TENM3: variants seen among roughly 807,000 people sequenced by gnomAD.
TENM3 encodes the protein teneurin-3.
A neutral mutation model predicts 255.1 loss-of-function variants in TENM3; 63 were observed. That is an observed-to-expected ratio of 0.25 (90% CI 0.20 to 0.30). TENM3 has a LOEUF of 0.30. Ranked by LOEUF, TENM3 falls within the 10% of genes least tolerant of loss-of-function variation. The pLI is 1.00. For synonymous variants in TENM3, 1,306 were observed against 1,322.3 expected, an observed-to-expected ratio of 0.99 and a Z score of 0.27; for missense variants, 2,929 against 3,461.1, an observed-to-expected ratio of 0.85 and a Z score of 3.86.
chr4:182,755,354 A>G (rs996810048), intron 22 of TENM3, 95 bp downstream of exon 22: 1 of 1,222,844 alleles, frequency 8.2e-7, no homozygotes, highest in African/African-American at 1.5e-5. Flanking sequence ...GGAGGATTCC[A>G]TGTTTTTGAG....
chr4:182,546,312 TA>T (rs1741441879), intron 3 of TENM3, among the ~76,000 whole-genome samples: 1 of 152,198 alleles, frequency 6.6e-6, no homozygotes, highest in Admixed American at 6.5e-5. Context: ...TTTTTCTTTC[TA>T]GAAAAATTGA....
chr4:181,605,452 AAGAGAGAGAGAG>A, the TENM3 span, among the ~76,000 whole-genome samples: 2 of 100,506 alleles, frequency 2.0e-5, no homozygotes, highest in African/African-American at 4.2e-5. Flanking sequence ...AAAAGAAAGA[AAGAGAGAGAGAG>A]AGAGAGAGAG....
intron 3 of TENM3, among the ~76,000 whole-genome samples, chr4:182,498,759 G>T (rs562274564): frequency 6.6e-6 from 1 of 152,254 alleles, no homozygotes; most frequent in Admixed American, 6.5e-5. Flanking sequence ...AGAGGCTGAG[G>T]CAGGAGAGTT....
At chr4:181,936,287 C>T in the TENM3 span, among the ~76,000 whole-genome samples, 2 of 151,984 alleles carry the variant, frequency 1.3e-5, no homozygotes, top group Non-Finnish European at 1.5e-5. Context: ...CCCAGCTACT[C>T]GGGAGGCTGA....
chr4:182,074,349 A>G, the TENM3 span, among the ~76,000 whole-genome samples: 1 of 152,174 alleles, frequency 6.6e-6, no homozygotes, highest in African/African-American at 2.4e-5. Flanking sequence ...AGGAGTGGCA[A>G]TAGATGAACT....
Position 182,501,829 on chromosome 4 carries a change from A to G in TENM3, c.512-99095A>G, listed in dbSNP as rs1489933461. Among the ~76,000 whole-genome samples, 3 of 152,078 alleles carry G rather than the reference A, an allele frequency of 2.0e-5. No homozygotes were observed. The South Asian group carries it at 6.2e-4, about 31-fold the overall frequency. The stretch of plus-strand genomic sequence containing the variant: ...TATATTGTTAACTTTAAAGCCATAG[A>G]TTGTACTCAAATTGTATTTATTCTT... On this transcript the variant is annotated intron_variant, in intron 3 of 27. Transcript: ENST00000511685.
the TENM3 span, among the ~76,000 whole-genome samples, chr4:181,562,974 C>T: frequency 6.6e-6 from 1 of 152,304 alleles, no homozygotes; most frequent in East Asian, 1.9e-4. Context: ...CGTGCCGGGC[C>T]CTTCTTAGGG....
chr4:182,727,285 G>A (rs958391290), intron 13 of TENM3, among the ~76,000 whole-genome samples: 15 of 151,896 alleles, frequency 9.9e-5, no homozygotes, highest in African/African-American at 3.1e-4. Flanking sequence ...GTGAGACCCC[G>A]TCTCTACTAA....
intron 13 of TENM3, among the ~76,000 whole-genome samples, chr4:182,726,049 T>C (rs953756808): frequency 1.3e-5 from 2 of 152,182 alleles, no homozygotes; most frequent in East Asian, 3.8e-4. Context: ...ATACATGCTA[T>C]CATAAGGAAA....
In TENM3 at chr4:182,799,529, GT is replaced by G; in HGVS notation, c.7345-66del. On this transcript the variant is annotated intron_variant, in intron 27 of 27. Transcript: ENST00000511685. The surrounding 1 kb of genome is among the most constrained non-coding windows in gnomAD (Gnocchi z 4.2). Reference sequence around the variant, plus strand: ...CCCGGCGCTGCCCCCAGAGTCCCGTGTGTGGGTCAGGAGTGGGGAGGCTCCC... The same window carrying G: ...CCCGGCGCTGCCCCCAGAGTCCCGTGGTGGGTCAGGAGTGGGGAGGCTCCC... The G allele has an allele frequency of 6.6e-7, 1 of 1,504,424 alleles. No individual in the cohort carries two copies. The highest frequency in any genetic ancestry group is 2.5e-5 in the Admixed American group (1 of 40,372). The allele number at this position is 1,504,424 out of a possible 1,614,324, so 93.2% of individuals were successfully genotyped here.
chr4:182,066,859 C>G, the TENM3 span, among the ~76,000 whole-genome samples: 2 of 152,116 alleles, frequency 1.3e-5, no homozygotes, highest in East Asian at 1.9e-4. Flanking sequence ...TGCAGTGAGC[C>G]GAGATCGCAC....
the TENM3 span, among the ~76,000 whole-genome samples, chr4:181,488,578 A>T: frequency 1.3e-5 from 2 of 152,210 alleles, no homozygotes; most frequent in Non-Finnish European, 2.9e-5. Context: ...AACTTTTGGT[A>T]AACAAGTTGT....
the TENM3 span, among the ~76,000 whole-genome samples, chr4:181,713,256 G>T: frequency 6.6e-6 from 1 of 152,188 alleles, no homozygotes; most frequent in Non-Finnish European, 1.5e-5. Flanking sequence ...TTGAACACCT[G>T]AATAAGAGCA....
the TENM3 span, among the ~76,000 whole-genome samples, chr4:181,998,024 G>T: frequency 6.6e-6 from 1 of 152,186 alleles, no homozygotes; most frequent in Non-Finnish European, 1.5e-5. Context: ...AGCCAAAAAA[G>T]AGACAACTTG....
chr4:182,358,361 T>C (rs1317989743), intron 3 of TENM3, among the ~76,000 whole-genome samples: 1 of 149,546 alleles, frequency 6.7e-6, no homozygotes, highest in African/African-American at 2.5e-5. Flanking sequence ...CATGGAATGT[T>C]CTTCCATTTG....
the TENM3 span, among the ~76,000 whole-genome samples, chr4:181,730,334 C>G: frequency 2.0e-4 from 31 of 152,296 alleles, 1 homozygote; most frequent in South Asian, 6.0e-3. Context: ...CCAGAAGGAA[C>G]GCTTGCAATG....
chr4:182,386,663 C>G (rs1349778859), intron 3 of TENM3, among the ~76,000 whole-genome samples: 1 of 152,242 alleles, frequency 6.6e-6, no homozygotes, highest in Non-Finnish European at 1.5e-5. Flanking sequence ...GAGCTGCCGG[C>G]CGGCCGGGGC....
the TENM3 span, among the ~76,000 whole-genome samples, chr4:182,100,874 T>TATACTCATATATATAC: frequency 6.6e-4 from 26 of 39,572 alleles, 11 homozygotes; most frequent in African/African-American, 3.5e-3. Context: ...TATATATATA[T>TATACTCATATATATAC]AGAGAGAGAG....
At chr4:182,715,963 C>T (rs1231953436) in intron 13 of TENM3, among the ~76,000 whole-genome samples, 5 of 152,244 alleles carry the variant, frequency 3.3e-5, no homozygotes, top group Non-Finnish European at 7.4e-5. Flanking sequence ...CTTCCTGCTC[C>T]GGATAGATTT....
Sources: allele counts gnomAD v4.1 joint callset (sites outside exome capture counted in the v4.1 genomes callset), GRCh38; gene constraint gnomAD v4.1.1; non-coding constraint Gnocchi (gnomAD v3.1); transcripts MANE v1.5; gene names NCBI Gene and HGNC (gene_info 2026-07-23, HGNC 2026-07-21).